Variants in GRM7 observed in about 807,000 individuals in gnomAD.
GRM7 encodes the protein glutamate metabotropic receptor 7.
In GRM7, 35 loss-of-function variants were observed where a neutral mutation model predicts 84.5. The observed-to-expected ratio is 0.41, with a 90% CI of 0.32 to 0.55. The LOEUF (loss-of-function observed/expected upper bound fraction) is 0.55, where lower values mean the gene tolerates loss of function less well. Ranked by LOEUF, GRM7 falls within the 20% of genes least tolerant of loss-of-function variation. The pLI is 0.19. For missense variants in GRM7, 1,003 were observed against 1,194.6 expected (o/e 0.84, Z 2.36); for synonymous variants, 487 against 455.1 (o/e 1.07, Z -0.89).
chr3:7,523,539 A>G (rs1700679912), intron 7 of GRM7, among the ~76,000 whole-genome samples: 2 of 152,182 alleles, frequency 1.3e-5, no homozygotes, highest in South Asian at 2.1e-4. Context: ...GCCAGGGCTA[A>G]TAGCACTTAA....
chr3:7,390,176 G>A (rs1694935852), intron 4 of GRM7, among the ~76,000 whole-genome samples: 1 of 152,028 alleles, frequency 6.6e-6, no homozygotes, highest in Non-Finnish European at 1.5e-5. Flanking sequence ...TGCTAAAAAT[G>A]CGCCCCCAAT....
chr3:7,670,701 G>C (rs1699883944), intron 8 of GRM7, among the ~76,000 whole-genome samples: 1 of 176 alleles, frequency 5.7e-3, no homozygotes. Context: ...CACATCTTTA[G>C]AAACTGATAA....
intron 4 of GRM7, among the ~76,000 whole-genome samples, chr3:7,353,723 C>T (rs1387677205): frequency 1.3e-5 from 2 of 152,106 alleles, no homozygotes; most frequent in Non-Finnish European, 2.9e-5. Flanking sequence ...CCAGACCTTA[C>T]GGTGGGAACC....
At chr3:7,012,387 C>G (rs1695404934) in intron 1 of GRM7, among the ~76,000 whole-genome samples, 1 of 152,126 alleles carries the variant, frequency 6.6e-6, no homozygotes, top group African/African-American at 2.4e-5. Context: ...TTTACAATTT[C>G]AAACATATTT....
At chr3:7,061,421 A>G (rs1046662703) in intron 1 of GRM7, among the ~76,000 whole-genome samples, 1 of 151,774 alleles carries the variant, frequency 6.6e-6, no homozygotes, top group Non-Finnish European at 1.5e-5. Context: ...ACAGATGAGT[A>G]AAAGAGACAC....
At chr3:7,330,714 C>T (rs1277104960) in intron 4 of GRM7, among the ~76,000 whole-genome samples, 1 of 152,214 alleles carries the variant, frequency 6.6e-6, no homozygotes, top group Non-Finnish European at 1.5e-5. Context: ...GAGGCCTCCC[C>T]AGCCACGTGG....
At chr3:7,502,230 TAAC>T (rs1485771722) in intron 7 of GRM7, among the ~76,000 whole-genome samples, 3 of 152,114 alleles carry the variant, frequency 2.0e-5, no homozygotes, top group African/African-American at 4.8e-5. Flanking sequence ...ATAAGTCATA[TAAC>T]AACAACAACT....
chr3:7,481,090 CTT>C (rs1258430667), intron 7 of GRM7, among the ~76,000 whole-genome samples: 2 of 139,952 alleles, frequency 1.4e-5, no homozygotes, highest in East Asian at 4.1e-4. Flanking sequence ...TTTTTTTTTT[CTT>C]TTTTGAGACA....
chr3:6,995,492 C>G (rs967954060), intron 1 of GRM7, among the ~76,000 whole-genome samples: 4 of 152,172 alleles, frequency 2.6e-5, no homozygotes, highest in Non-Finnish European at 5.9e-5. Context: ...ACTATACTGC[C>G]TAACTACTAT....
At chr3:6,892,284 T>C (rs1278559756) in intron 1 of GRM7, among the ~76,000 whole-genome samples, 4 of 152,184 alleles carry the variant, frequency 2.6e-5, no homozygotes, top group Admixed American at 6.5e-5. Context: ...CCAGGAGTAA[T>C]TGAGGAGGCA....
At chr3:7,176,313 A>G (rs183644784) in intron 2 of GRM7, among the ~76,000 whole-genome samples, 18 of 146,696 alleles carry the variant, frequency 1.2e-4, no homozygotes, top group Admixed American at 2.8e-4. Flanking sequence ...CTAGAGGCAA[A>G]GGTGGGAGGA....
At chr3:7,274,449 A>G (rs1383746494) in intron 2 of GRM7, among the ~76,000 whole-genome samples, 1 of 152,092 alleles carries the variant, frequency 6.6e-6, no homozygotes, top group Non-Finnish European at 1.5e-5. Flanking sequence ...CCTACTGGAA[A>G]TAAATTCCCT....
intron 4 of GRM7, among the ~76,000 whole-genome samples, chr3:7,344,939 A>G (rs1347165890): frequency 6.6e-6 from 1 of 152,164 alleles, no homozygotes; most frequent in African/African-American, 2.4e-5. Flanking sequence ...TTCCCTATAC[A>G]AATGTTAAAT....
At position 7,172,103 on chromosome 3, in the gene GRM7, G is replaced by A. The variant is rs1013096039; in HGVS notation, c.736+25435G>A. 5.3e-5 allele frequency among the ~76,000 whole-genome samples: 8 copies of A among 152,210 alleles called. No homozygotes were observed. The East Asian group carries it at 1.4e-3, about 26-fold the overall frequency. On this transcript the variant is annotated intron_variant, in intron 2 of 9. Coordinates refer to ENST00000357716, the MANE Select transcript of GRM7 (RefSeq NM_000844.4). ...ATTTCCATGTATATTGTTTTAGCAC[G>A]GGATTTTCAAAATAATACAGTGTCA...
intron 1 of GRM7, among the ~76,000 whole-genome samples, chr3:7,126,164 A>G (rs1348036647): frequency 6.6e-6 from 1 of 152,196 alleles, no homozygotes; most frequent in Admixed American, 6.5e-5. Context: ...TGGGAAGGTT[A>G]TTCAGGTGGT....
At chr3:7,416,888 A>G (rs914830373) in intron 5 of GRM7, among the ~76,000 whole-genome samples, 2 of 152,118 alleles carry the variant, frequency 1.3e-5, no homozygotes, top group African/African-American at 4.8e-5. Context: ...ATTCAAGTGC[A>G]CCGGAAGTAT....
chr3:7,733,287 G>A (rs772648965), intron 9 of GRM7, among the ~76,000 whole-genome samples: 18 of 152,162 alleles, frequency 1.2e-4, no homozygotes, highest in Admixed American at 2.6e-4. Context: ...AGAGTGAGGA[G>A]GGCAGAATTT....
chr3:7,052,853 A>G (rs1373791507), intron 1 of GRM7, among the ~76,000 whole-genome samples: 4 of 150,834 alleles, frequency 2.7e-5, no homozygotes, highest in South Asian at 2.1e-4. Flanking sequence ...TGTTATAAAC[A>G]CTTATGAACA....
chr3:7,549,325 T>C (rs1693326819), intron 7 of GRM7, among the ~76,000 whole-genome samples: 1 of 152,330 alleles, frequency 6.6e-6, no homozygotes, highest in South Asian at 2.1e-4. Flanking sequence ...GTGGAAATAC[T>C]GTATAATTGT....
Sources: allele counts gnomAD v4.1 joint callset (sites outside exome capture counted in the v4.1 genomes callset), GRCh38; gene constraint gnomAD v4.1.1; transcripts MANE v1.5; gene names NCBI Gene and HGNC (gene_info 2026-07-23, HGNC 2026-07-21).